Variants in NOD1 observed in about 807,000 individuals in gnomAD.
NOD1 encodes nucleotide binding oligomerization domain containing 1.
NOD1 carries 70 observed loss-of-function variants against 81.2 expected under a neutral mutation model. The ratio of observed to expected loss-of-function variants is 0.86; its 90% CI spans 0.71 to 1.05. The LOEUF is 1.05. Ranked by LOEUF, NOD1 falls within the 50% of genes least tolerant of loss-of-function variation. The pLI, the probability that NOD1 is intolerant of heterozygous loss-of-function variation, is 0.00. For missense variants in NOD1, 1,233 were observed against 1,228.0 expected, an observed-to-expected ratio of 1.00 and a Z score of -0.06; for synonymous variants, 508 against 526.9, an observed-to-expected ratio of 0.96 and a Z score of 0.49.
At chr7:30,426,009 T>G (rs1340191677) in intron 13 of NOD1, among the ~76,000 whole-genome samples, 1 of 151,966 alleles carries the variant, frequency 6.6e-6, no homozygotes, top group African/African-American at 2.4e-5. Flanking sequence ...TGTCCTGACC[T>G]CTCCTCTCCC....
intron 1 of NOD1, among the ~76,000 whole-genome samples, chr7:30,463,128 C>T (rs1303104704): frequency 6.6e-6 from 1 of 151,930 alleles, no homozygotes. Flanking sequence ...TGCTTGCTCT[C>T]TCCCTTGTAT....
Position 30,456,741 on chromosome 7 carries a change from A to C in NOD1, c.181T>G (p.Cys61Gly). 3.7e-6 allele frequency: 6 copies of C among 1,613,988 alleles called. No individual in the cohort carries two copies. The highest frequency in any genetic ancestry group is 5.1e-6 in the Non-Finnish European group (6 of 1,179,972). ...SAEDAEIVCA[C>G]PTQPDKVRKI... Reference sequence around the variant, plus strand: ...GGCACCTTGTCAGGCTGGGTGGGGCAGGCACACACAATCTCCGCATCTTCG... The same window carrying C: ...GGCACCTTGTCAGGCTGGGTGGGGCCGGCACACACAATCTCCGCATCTTCG... The change falls in exon 4 of 14, where the codon TGC becomes GGC. Residue 61 changes from cysteine (C) to glycine (G), a missense_variant. Cys to Gly is a radical substitution (Grantham distance 159). Coordinates refer to ENST00000222823, the MANE Select transcript of NOD1 (RefSeq NM_006092.4).
intron 1 of NOD1, among the ~76,000 whole-genome samples, chr7:30,472,992 A>G (rs1361705111): frequency 6.6e-6 from 1 of 152,244 alleles, no homozygotes; most frequent in Non-Finnish European, 1.5e-5. Flanking sequence ...TATTTGTTGA[A>G]TTAACATGTT....
At chr7:30,453,657 C>T (rs1224042420) in intron 5 of NOD1, among the ~76,000 whole-genome samples, 2 of 152,120 alleles carry the variant, frequency 1.3e-5, no homozygotes, top group African/African-American at 4.8e-5. Flanking sequence ...TGGGTTCAAG[C>T]GATCTGCCCA....
In NOD1 at chr7:30,452,470, T is replaced by C. The variant is rs747960182; in HGVS notation, c.947A>G (p.Asn316Ser). ...EPAHPLVLLA[N>S]LLSGKLLKGA... ...CTTGAGCAGCTTCCCACTGAGCAGG[T>C]TGGCCAGCAAGACCAGGGGGTGGGC... Residue 316 changes from asparagine (N) to serine (S), a missense_variant, in exon 6 of 14, where the codon AAC becomes AGC. Transcript: ENST00000222823. 4.2e-5 allele frequency: 68 copies of C among 1,613,134 alleles called. No homozygotes were observed. The highest frequency in any genetic ancestry group is 6.7e-5 in the African/African-American group (5 of 74,928).
chr7:30,465,210 C>A (rs577980846), intron 1 of NOD1, among the ~76,000 whole-genome samples: 1 of 152,134 alleles, frequency 6.6e-6, no homozygotes, highest in Non-Finnish European at 1.5e-5. Context: ...ACAGGGAGAC[C>A]CAGTTAGAGC....
At chr7:30,437,942 C>T (rs763635878) in intron 9 of NOD1, among the ~76,000 whole-genome samples, 18 of 152,218 alleles carry the variant, frequency 1.2e-4, no homozygotes, top group South Asian at 4.1e-4. Flanking sequence ...CCACGAGCTT[C>T]GGAGAGCTGT....
At chr7:30,450,511 C>G (rs564998348) in intron 6 of NOD1, among the ~76,000 whole-genome samples, 98 of 152,266 alleles carry the variant, frequency 6.4e-4, no homozygotes, top group African/African-American at 2.3e-3. Context: ...TAGAAGAAAA[C>G]AGACTGGGCT....
intron 7 of NOD1, chr7:30,447,356 C>T (rs949723201): frequency 1.7e-5 from 7 of 409,660 alleles, no homozygotes; most frequent in African/African-American, 4.1e-5. Flanking sequence ...TAGGACATAA[C>T]GCAAAGCCCT....
chr7:30,429,561 C>T, intron 12 of NOD1, 104 bp from the exon 13 acceptor site: 1 of 942,014 alleles, frequency 1.1e-6, no homozygotes, highest in South Asian at 1.3e-5. Flanking sequence ...ACAAGTTGGT[C>T]AGGGGAAGAA....
chr7:30,446,030 C>G lies in NOD1; in HGVS notation c.2453+111G>C. ...AAAGCTCTCCACTATCTCTCCCCGA[C>G]AGCGAGCCCCAGTGGTCCTTCTGGT... On this transcript the variant is annotated intron_variant, in intron 9 of 13. Coordinates refer to ENST00000222823, the MANE Select transcript of NOD1 (RefSeq NM_006092.4). The G allele has an allele frequency of 4.9e-6, 4 of 823,126 alleles. No individual in the cohort carries two copies. The South Asian group carries it at 5.9e-5, about 12-fold the overall frequency. The allele number at this position is 823,126 out of a possible 1,614,324, so 51.0% of individuals were successfully genotyped here. A position where few individuals can be genotyped will look rare whatever the true frequency, so the allele number is the denominator to read the frequency against.
intron 6 of NOD1, among the ~76,000 whole-genome samples, chr7:30,448,931 C>G (rs1394287124): frequency 6.6e-6 from 1 of 152,182 alleles, no homozygotes; most frequent in Non-Finnish European, 1.5e-5. Flanking sequence ...TGATTTGTCA[C>G]TGGAAAAGGC....
chr7:30,448,898 T>C (rs1366620770), intron 6 of NOD1, among the ~76,000 whole-genome samples: 2 of 152,172 alleles, frequency 1.3e-5, no homozygotes, highest in African/African-American at 4.8e-5. Flanking sequence ...CTTCCCCCCA[T>C]CCAGAAACAC....
rs542824807 is a variant in NOD1 at position 30,455,132 on chromosome 7, C to G, written c.376+5G>C. The stretch of plus-strand genomic sequence containing the variant: ...GCCTGCGGTCTTGCTGGGGCTGACT[C>G]CTACCTGGGTCAGTGTTGACCACGA... On this transcript the variant is annotated splice_donor_5th_base_variant and intron_variant, in intron 5 of 13. Transcript: ENST00000222823. 2 of 1,613,400 alleles carry G rather than the reference C, an allele frequency of 1.2e-6. No individual in the cohort carries two copies. The highest frequency in any genetic ancestry group is 2.7e-5 in the African/African-American group (2 of 75,046).
At chr7:30,463,744 T>C (rs1787397883) in intron 1 of NOD1, 1 of 152,518 alleles carries the variant, frequency 6.6e-6, no homozygotes, top group Non-Finnish European at 1.5e-5. Context: ...GTTCTCCACA[T>C]GTACCTTTCT....
intron 11 of NOD1, chr7:30,433,445 T>G: frequency 2.4e-6 from 1 of 410,866 alleles, no homozygotes; most frequent in South Asian, 3.9e-5. Context: ...CTCCCCACCT[T>G]TGCTGAGCCC....
At position 30,446,208 on chromosome 7, in the gene NOD1, T is replaced by C. The variant is rs1410929836; in HGVS notation, c.2386A>G (p.Ile796Val). The C allele has an allele frequency of 1.2e-6, 2 of 1,614,112 alleles. No individual in the cohort carries two copies. The highest frequency in any genetic ancestry group is 1.7e-5 in the Admixed American group (1 of 60,030). ...LTHLKLGKNK[I>V]TSEGGKYLAL... The stretch of plus-strand genomic sequence containing the variant: ...AGATACTTCCCTCCTTCACTTGTTA[T>C]TTTGTTTTTTCCCAGTCTGCAGAGA... The change falls in exon 9 of 14, where the codon ATA (isoleucine) becomes GTA (valine). Residue 796 changes from isoleucine to valine, a missense_variant. Transcript: ENST00000222823.
intron 9 of NOD1, among the ~76,000 whole-genome samples, chr7:30,438,197 T>A (rs1784549575): frequency 6.6e-6 from 1 of 152,072 alleles, no homozygotes; most frequent in Non-Finnish European, 1.5e-5. Flanking sequence ...CCAACCAAGC[T>A]CTGTGGCTAC....
intron 7 of NOD1, chr7:30,447,895 C>T (rs894584338): frequency 1.1e-5 from 2 of 185,464 alleles, no homozygotes; most frequent in African/African-American, 2.4e-5. Context: ...CCTGCGGCCA[C>T]GTCATGCCAT....
Sources: allele counts gnomAD v4.1 joint callset (sites outside exome capture counted in the v4.1 genomes callset), GRCh38; gene constraint gnomAD v4.1.1; transcripts MANE v1.5; gene names NCBI Gene and HGNC (gene_info 2026-07-23, HGNC 2026-07-21).